Variants in DDX10 observed in about 807,000 individuals in gnomAD.
DDX10 encodes DEAD-box helicase 10.
DDX10 carries 74 observed loss-of-function variants against 104.3 expected under a neutral mutation model. The observed-to-expected ratio is 0.71, with a 90% CI of 0.59 to 0.86. DDX10 has a LOEUF of 0.86. Ranked by LOEUF, DDX10 falls within the 40% of genes least tolerant of loss-of-function variation. The pLI, the probability that DDX10 is intolerant of heterozygous loss-of-function variation, is 0.00. For missense variants in DDX10, 952 were observed against 1,040.0 expected, an observed-to-expected ratio of 0.92 and a Z score of 1.16; for synonymous variants, 351 against 353.4, an observed-to-expected ratio of 0.99 and a Z score of 0.08.
chr11:108,710,486 G>C (rs1261072588), intron 10 of DDX10, among the ~76,000 whole-genome samples: 1 of 151,468 alleles, frequency 6.6e-6, no homozygotes, highest in South Asian at 2.1e-4. Context: ...GCCTACACAG[G>C]GTCAGGATCA....
At chr11:108,901,341 C>T (rs1413897156) in intron 16 of DDX10, among the ~76,000 whole-genome samples, 1 of 152,102 alleles carries the variant, frequency 6.6e-6, no homozygotes, top group African/African-American at 2.4e-5. Flanking sequence ...ATTTCTAAAC[C>T]AAGTGAGACA....
Position 108,838,485 on chromosome 11 carries a change from A to C in DDX10, c.2005A>C (p.Thr669Pro). The C allele has an allele frequency of 1.2e-6, 2 of 1,613,012 alleles. No homozygotes were observed. Among genetic ancestry groups the C allele is most frequent in the Non-Finnish European group, 1.7e-6 (2 of 1,179,566 alleles). ...PSKSSIKKKM[T>P]KVAEAKKVMK... Reference sequence around the variant, plus strand: ...TAAATCCAGCATCAAGAAAAAAATGACCAAAGTTGCAGAAGCAAAAAAAGT... The same window carrying C: ...TAAATCCAGCATCAAGAAAAAAATGCCCAAAGTTGCAGAAGCAAAAAAAGT... The change falls in exon 14 of 18, where the codon ACC becomes CCC. Residue 669 changes from threonine (T) to proline (P), a missense_variant. By Grantham distance (38) the Thr-to-Pro change is conservative. Coordinates refer to ENST00000322536, the MANE Select transcript of DDX10 (RefSeq NM_004398.4).
At chr11:108,707,591 T>A (rs943230926) in intron 10 of DDX10, among the ~76,000 whole-genome samples, 1 of 152,222 alleles carries the variant, frequency 6.6e-6, no homozygotes, top group Non-Finnish European at 1.5e-5. Flanking sequence ...AGGACAGATT[T>A]GTATTGATTT....
Position 108,719,866 on chromosome 11 carries a change from C to T in DDX10, c.1480C>T (p.Pro494Ser). 1 of 1,588,080 alleles carries T rather than the reference C, an allele frequency of 6.3e-7. No homozygotes were observed. The highest frequency in any genetic ancestry group is 1.3e-5 in the African/African-American group (1 of 74,488). ...AGAAGTATTTGATGTGAGCAAGTTA[C>T]CTATACCTGAATATGCCCTGTAAGT... The part of the protein sequence containing the change: ...DKEVFDVSKL[P>S]IPEYALSLGL... The change falls in exon 12 of 18, where the codon CCT becomes TCT. Residue 494 changes from proline to serine, a missense_variant. Pro to Ser is a moderately conservative substitution (Grantham distance 74). Around this residue, in one of 3 missense-constraint regions of DDX10, gnomAD observed 533 missense variants for 534.1 expected, o/e 1.00. Coordinates refer to ENST00000322536, the MANE Select transcript of DDX10 (RefSeq NM_004398.4).
intron 9 of DDX10, among the ~76,000 whole-genome samples, chr11:108,703,053 ACT>A (rs1466478273): frequency 2.6e-5 from 4 of 152,292 alleles, no homozygotes; most frequent in African/African-American, 7.2e-5. Context: ...GGGCGGCTAG[ACT>A]CTGTTAAAAT....
intron 13 of DDX10, among the ~76,000 whole-genome samples, chr11:108,798,530 A>T (rs1368921121): frequency 6.6e-6 from 1 of 152,216 alleles, no homozygotes; most frequent in African/African-American, 2.4e-5. Context: ...GATACCACAT[A>T]TAAAATGGAA....
intron 9 of DDX10, among the ~76,000 whole-genome samples, chr11:108,701,189 C>G (rs149122833): frequency 1.4e-4 from 22 of 152,058 alleles, no homozygotes; most frequent in African/African-American, 5.3e-4. Context: ...CAGAGATACC[C>G]TTTTTCTTGG....
intron 13 of DDX10, among the ~76,000 whole-genome samples, chr11:108,730,411 G>T (rs1240954165): frequency 6.6e-6 from 1 of 152,128 alleles, no homozygotes; most frequent in Non-Finnish European, 1.5e-5. Flanking sequence ...ATAATCCAGG[G>T]CTATCAAACA....
At chr11:108,883,917 C>G (rs550130842) in intron 16 of DDX10, among the ~76,000 whole-genome samples, 1 of 152,164 alleles carries the variant, frequency 6.6e-6, no homozygotes, top group Non-Finnish European at 1.5e-5. Flanking sequence ...CATCTTCTTT[C>G]CTAACTTCTC....
chr11:108,825,697 A>G lies in DDX10; in HGVS notation c.1966-12749A>G, dbSNP rs114593433. ...TAAATAGTTGTCATTGTTGCTCAATATATCATTGTATTCATTGACCATTTT... is the reference window on the plus strand; with the variant it reads ...TAAATAGTTGTCATTGTTGCTCAATGTATCATTGTATTCATTGACCATTTT... On this transcript the variant is annotated intron_variant, in intron 13 of 17. Coordinates refer to ENST00000322536, the MANE Select transcript of DDX10 (RefSeq NM_004398.4). 2.2e-3 allele frequency among the ~76,000 whole-genome samples: 339 copies of G among 152,344 alleles called. 3 individuals are homozygous for G. The highest frequency in any genetic ancestry group is 7.5e-3 in the African/African-American group (314 of 41,592).
At chr11:108,808,293 C>G (rs1237813148) in intron 13 of DDX10, among the ~76,000 whole-genome samples, 2 of 146,732 alleles carry the variant, frequency 1.4e-5, no homozygotes, top group Non-Finnish European at 3.0e-5. Flanking sequence ...TGTAGACTAC[C>G]TGTATAATTT....
intron 16 of DDX10, among the ~76,000 whole-genome samples, chr11:108,866,775 G>T (rs993616424): frequency 1.3e-5 from 2 of 152,156 alleles, no homozygotes; most frequent in Non-Finnish European, 2.9e-5. Context: ...GGGACCTGGG[G>T]CTTAAGTAAA....
Position 108,677,111 on chromosome 11 carries a change from A to G in DDX10, c.405A>G (p.Gln135=), listed in dbSNP as rs143207867. 32 of 1,612,906 alleles carry G rather than the reference A, an allele frequency of 2.0e-5. No homozygotes were observed. The highest frequency in any genetic ancestry group is 6.7e-5 in the East Asian group (3 of 44,840). ...VPVLEALYRL[Q]WTSTDGLGVL... ...TGCTGGAAGCCTTATATCGTCTGCA[A>G]TGGACTTCAACAGATGGGCTGGGGG... Residue 135 remains glutamine (Q), a synonymous_variant, in exon 4 of 18, where the codon CAA becomes CAG. Coordinates refer to ENST00000322536, the MANE Select transcript of DDX10 (RefSeq NM_004398.4).
chr11:108,899,767 G>A (rs1195323545), intron 16 of DDX10, among the ~76,000 whole-genome samples: 1 of 152,110 alleles, frequency 6.6e-6, no homozygotes, highest in Non-Finnish European at 1.5e-5. Flanking sequence ...TCATGGCTTG[G>A]TGCTGTCCTC....
intron 13 of DDX10, among the ~76,000 whole-genome samples, chr11:108,733,494 C>T (rs938306897): frequency 2.6e-5 from 4 of 152,170 alleles, no homozygotes; most frequent in African/African-American, 9.7e-5. Flanking sequence ...ATTCTTACCA[C>T]AGCCTTGTGT....
At chr11:108,716,707 T>A (rs1714368584) in intron 11 of DDX10, among the ~76,000 whole-genome samples, 3 of 152,198 alleles carry the variant, frequency 2.0e-5, no homozygotes, top group Admixed American at 2.0e-4. Context: ...CGTTTATGAC[T>A]TGTTGTTCCC....
intron 13 of DDX10, among the ~76,000 whole-genome samples, chr11:108,785,444 A>G (rs1004796308): frequency 6.6e-6 from 1 of 152,136 alleles, no homozygotes; most frequent in African/African-American, 2.4e-5. Flanking sequence ...TGGTATCAAG[A>G]TGATGCTGGG....
At chr11:108,712,746 A>T (rs566229511) in intron 10 of DDX10, among the ~76,000 whole-genome samples, 4 of 152,016 alleles carry the variant, frequency 2.6e-5, no homozygotes, top group Admixed American at 6.5e-5. Flanking sequence ...TTATTTTACC[A>T]TCATTTATTC....
At chr11:108,880,371 G>C (rs1591108129) in intron 16 of DDX10, among the ~76,000 whole-genome samples, 2 of 152,254 alleles carry the variant, frequency 1.3e-5, no homozygotes, top group East Asian at 3.9e-4. Flanking sequence ...CCACATTGGG[G>C]GTTAGGGCTT....
Sources: gnomAD v4.1 joint callset for allele counts (sites outside exome capture counted in the v4.1 genomes callset) on GRCh38, gnomAD v4.1.1 for gene constraint, gnomAD v4.1.1 regional missense constraint, MANE v1.5 for transcripts, NCBI Gene and HGNC (gene_info 2026-07-23, HGNC 2026-07-21) for gene names.